PHC2: variants seen among roughly 807,000 people sequenced by gnomAD.
PHC2 encodes the protein polyhomeotic-like protein 2.
Under a neutral mutation model 87.4 loss-of-function variants are expected in PHC2, and 29 were observed. The ratio of observed to expected loss-of-function variants is 0.33; its 90% CI spans 0.25 to 0.45. The LOEUF (loss-of-function observed/expected upper bound fraction) is 0.45. Among genes scored for constraint, PHC2 ranks in the 20% least tolerant of loss-of-function variants. The pLI is 1.00. For synonymous variants in PHC2, 438 were observed against 461.7 expected, an observed-to-expected ratio of 0.95 and a Z score of 0.66; for missense variants, 857 against 1,136.7, an observed-to-expected ratio of 0.75 and a Z score of 3.54.
chr1:33,426,711 C>T (rs1284381245), intron 1 of PHC2, among the ~76,000 whole-genome samples: 2 of 152,092 alleles, frequency 1.3e-5, no homozygotes, highest in African/African-American at 4.8e-5. Flanking sequence ...AATGAGGGGA[C>T]CATAGGAAAG....
intron 9 of PHC2, among the ~76,000 whole-genome samples, chr1:33,336,000 T>TGTTGTTG (rs1646626243): frequency 7.1e-6 from 1 of 141,534 alleles, no homozygotes; most frequent in Non-Finnish European, 1.6e-5. Flanking sequence ...GTTGTTGTTT[T>TGTTGTTG]TTTTTTTAGA....
intron 14 of PHC2, 195 bp from the exon 15 acceptor site, chr1:33,325,214 C>A (rs995455095): frequency 3.5e-6 from 2 of 572,468 alleles, no homozygotes; most frequent in Non-Finnish European, 6.1e-6. Context: ...CCACAGCAGC[C>A]GCGATCTGGG....
chr1:33,389,850 C>T (rs1174584917), intron 1 of PHC2, among the ~76,000 whole-genome samples: 1 of 152,086 alleles, frequency 6.6e-6, no homozygotes, highest in African/African-American at 2.4e-5. Context: ...TATTTCTAAC[C>T]TGTTCCCTAT....
At chr1:33,396,472 C>T (rs991697894) in intron 1 of PHC2, among the ~76,000 whole-genome samples, 3 of 152,206 alleles carry the variant, frequency 2.0e-5, no homozygotes, top group Non-Finnish European at 4.4e-5. Context: ...CAGTGCATCT[C>T]AGAATGAATT....
intron 7 of PHC2, 26 bp from the exon 8 acceptor site, chr1:33,355,279 G>C (rs756470911): frequency 2.0e-6 from 3 of 1,528,266 alleles, no homozygotes; most frequent in Non-Finnish European, 2.6e-6. Flanking sequence ...CCAGGTTAGA[G>C]AGCATGGCTT....
chr1:33,340,772 G>A (rs1417640867), intron 9 of PHC2, among the ~76,000 whole-genome samples: 1 of 152,068 alleles, frequency 6.6e-6, no homozygotes, highest in Non-Finnish European at 1.5e-5. Context: ...GCTCTATCTG[G>A]GACCCTGACA....
intron 7 of PHC2, among the ~76,000 whole-genome samples, chr1:33,366,254 T>C (rs183917396): frequency 2.0e-5 from 3 of 152,366 alleles, no homozygotes; most frequent in Non-Finnish European, 4.4e-5. Context: ...TGCAAAGCCA[T>C]GTGCTTCGCC....
Position 33,330,120 on chromosome 1 carries a change from C to G in PHC2, c.2099G>C (p.Arg700Pro). The part of the protein sequence containing the change: ...KAGAATHNRR[R>P]ASKASLPPLT... The stretch of plus-strand genomic sequence containing the variant: ...TGGTGGCAGACTGGCTTTGCTGGCC[C>G]GACGGCGGTTGTGGGTCGCAGCTCC... Residue 700 changes from arginine (R) to proline (P), a missense_variant, in exon 13 of 15, where the codon CGG becomes CCG. Transcript: ENST00000683057. 1 of 1,614,192 alleles carries G rather than the reference C, an allele frequency of 6.2e-7. No individual in the cohort carries two copies. The highest frequency in any genetic ancestry group is 1.6e-4 in the Middle Eastern group (1 of 6,062).
intron 1 of PHC2, among the ~76,000 whole-genome samples, chr1:33,380,313 A>G (rs188163568): frequency 6.6e-6 from 1 of 152,316 alleles, no homozygotes; most frequent in Non-Finnish European, 1.5e-5. Context: ...GTAACCATTA[A>G]GCAATAACTC....
At position 33,332,375 on chromosome 1, in the gene PHC2, A is replaced by T; in HGVS notation, c.1791T>A (p.Asn597Lys). ...ACCCCTGTGCATACTTCTTCTTGAG[A>T]TTCCCCACCAGCAGGGACGAGCGTC... The part of the protein sequence containing the change: ...PVGRSSLLVG[N>K]LKKKYAQGFL... The change falls in exon 11 of 15, where the codon AAT (asparagine) becomes AAA (lysine). Residue 597 changes from asparagine (N) to lysine (K), a missense_variant. Coordinates refer to ENST00000683057, the MANE Select transcript of PHC2 (RefSeq NM_001385109.1). This position sits in a 1 kb window ranked among gnomAD's most constrained non-coding sequence, Gnocchi z 4.2. 6.2e-7 allele frequency: 1 copy of T among 1,614,102 alleles called. No homozygotes were observed. The highest frequency in any genetic ancestry group is 1.1e-5 in the South Asian group (1 of 91,068).
In PHC2 at chr1:33,349,052, C is replaced by T; in HGVS notation, c.1558+5349G>A. ...GTAAAGAAGCAACAAATATAGTCTA[C>T]CTTCATTTGGCATAGGAAGGAGAGA... On this transcript the variant is annotated intron_variant, in intron 9 of 14. Coordinates refer to ENST00000683057, the MANE Select transcript of PHC2 (RefSeq NM_001385109.1). The surrounding 1 kb of genome is among the most constrained non-coding windows in gnomAD (Gnocchi z 4.2). 1 of 981,280 alleles carries T rather than the reference C, an allele frequency of 1.0e-6. No homozygotes were observed. Among genetic ancestry groups the T allele is most frequent in the East Asian group, 1.1e-4 (1 of 8,790 alleles). 60.8% of individuals were successfully genotyped at this position (981,280 alleles called of 1,614,324 possible). A position where few individuals can be genotyped will look rare whatever the true frequency, so the allele number is the denominator to read the frequency against.
intron 1 of PHC2, among the ~76,000 whole-genome samples, chr1:33,429,014 C>G (rs1650796608): frequency 6.6e-6 from 1 of 152,192 alleles, no homozygotes; most frequent in African/African-American, 2.4e-5. Flanking sequence ...TACTTATTTC[C>G]CCAGGTCTCA....
chr1:33,341,136 T>C (rs1336074304), intron 9 of PHC2, among the ~76,000 whole-genome samples: 1 of 152,232 alleles, frequency 6.6e-6, no homozygotes, highest in Non-Finnish European at 1.5e-5. Context: ...TCTAGGCCTG[T>C]TTCCTCATCT....
intron 1 of PHC2, among the ~76,000 whole-genome samples, chr1:33,396,359 G>T (rs1321892615): frequency 6.6e-6 from 1 of 152,114 alleles, no homozygotes; most frequent in African/African-American, 2.4e-5. Flanking sequence ...GGGGAAGGGT[G>T]AGGGGAGGGG....
Position 33,415,822 on chromosome 1 carries a change from A to T in PHC2, c.-55+15154T>A, listed in dbSNP as rs545047290. 5.9e-5 allele frequency among the ~76,000 whole-genome samples: 9 copies of T among 152,348 alleles called. No homozygotes were observed. The South Asian group carries it at 1.9e-3, about 32-fold the overall frequency. On this transcript the variant is annotated intron_variant, in intron 1 of 14. Transcript: ENST00000683057. ...AAGAGAAAGGGAAAGTGTAAAAAAG[A>T]CATAAATTAAACTTTTAGAGACTAA...
chr1:33,363,758 A>G, intron 7 of PHC2: 1 of 985,280 alleles, frequency 1.0e-6, no homozygotes, highest in Non-Finnish European at 1.2e-6. Context: ...TGTGCACCCA[A>G]AGCCTGGAGT....
chr1:33,369,073 G>C lies in PHC2; in HGVS notation c.577-451C>G, dbSNP rs1160948327. On this transcript the variant is annotated intron_variant, in intron 5 of 14. Transcript: ENST00000683057. The surrounding 1 kb of genome is among the most constrained non-coding windows in gnomAD (Gnocchi z 4.7). ...AACCCACTGCTGAACCCAGGGCTGA[G>C]CCAAGATGAGACTGCCCTCCAGGGG... Among the ~76,000 whole-genome samples, 3 of 152,224 alleles carry C rather than the reference G, an allele frequency of 2.0e-5. No homozygotes were observed. Among genetic ancestry groups the C allele is most frequent in the Non-Finnish European group, 4.4e-5 (3 of 68,032 alleles).
chr1:33,329,543 C>T (rs570728957), intron 13 of PHC2, among the ~76,000 whole-genome samples: 1 of 152,274 alleles, frequency 6.6e-6, no homozygotes, highest in African/African-American at 2.4e-5. Context: ...TCACACCATG[C>T]TGTGGAGTTC....
rs1292078177 is a variant in PHC2 at position 33,334,384 on chromosome 1, G to A, written c.1559-92C>T. On this transcript the variant is annotated intron_variant, in intron 9 of 14. Transcript: ENST00000683057. The surrounding 1 kb of genome is among the most constrained non-coding windows in gnomAD (Gnocchi z 5.5). ...ACAGCAAGGACTCAAACTGCGCCCG[G>A]CTTTTACCGTGGGGCCAAGCGACAA... 2.6e-6 allele frequency: 3 copies of A among 1,166,750 alleles called. No individual in the cohort carries two copies. The Admixed American group carries it at 6.7e-5, about 26-fold the overall frequency. The allele number at this position is 1,166,750 out of a possible 1,614,324, so 72.3% of individuals were successfully genotyped here. A position where few individuals can be genotyped will look rare whatever the true frequency, so the allele number is the denominator to read the frequency against.
Sources: allele counts gnomAD v4.1 joint callset (sites outside exome capture counted in the v4.1 genomes callset), GRCh38; gene constraint gnomAD v4.1.1; non-coding constraint Gnocchi (gnomAD v3.1); transcripts MANE v1.5; gene names NCBI Gene and HGNC (gene_info 2026-07-23, HGNC 2026-07-21).